DAB1: variants seen among roughly 807,000 people sequenced by gnomAD.
The protein encoded by DAB1 is DAB adaptor protein 1.
In DAB1, 15 loss-of-function variants were observed where a neutral mutation model predicts 64.6. The ratio of observed to expected loss-of-function variants is 0.23; its 90% confidence interval spans 0.16 to 0.36. The LOEUF (loss-of-function observed/expected upper bound fraction) is 0.36. DAB1 is among the 10% of genes least tolerant of loss of function. The pLI is 1.00. For synonymous variants in DAB1, 235 were observed against 251.9 expected, an observed-to-expected ratio of 0.93 and a Z score of 0.64; for missense variants, 596 against 706.7, an observed-to-expected ratio of 0.84 and a Z score of 1.78.
intron 2 of DAB1, among the ~76,000 whole-genome samples, chr1:57,216,546 T>G (rs1046792852): frequency 2.8e-4 from 43 of 152,184 alleles, no homozygotes; most frequent in Non-Finnish European, 5.6e-4. Context: ...TTGCCAGTTT[T>G]GGCTCTAAAT....
chr1:58,309,866 CA>C (rs1233432096), intron 4 of DAB1, among the ~76,000 whole-genome samples: 2 of 152,094 alleles, frequency 1.3e-5, no homozygotes, highest in Non-Finnish European at 2.9e-5. Context: ...ACCAGCTCAG[CA>C]AAAGTGGAGA....
At chr1:57,463,347 A>C (rs1316374740) in intron 7 of DAB1, among the ~76,000 whole-genome samples, 2 of 152,216 alleles carry the variant, frequency 1.3e-5, no homozygotes, top group African/African-American at 4.8e-5. Flanking sequence ...AAATATCCAT[A>C]TTATAAAAGG....
At chr1:57,739,206 T>G (rs1647844278) in intron 6 of DAB1, among the ~76,000 whole-genome samples, 1 of 152,272 alleles carries the variant, frequency 6.6e-6, no homozygotes, top group African/African-American at 2.4e-5. Context: ...TAAATCTCTG[T>G]GGGCTCTCCA....
chr1:58,179,693 A>T (rs1479086619), intron 4 of DAB1, among the ~76,000 whole-genome samples: 2 of 151,772 alleles, frequency 1.3e-5, no homozygotes, highest in African/African-American at 2.4e-5. Context: ...TTTCATTCCA[A>T]TTTTTTTCAT....
chr1:57,087,612 C>A (rs1653220345), intron 4 of DAB1, among the ~76,000 whole-genome samples: 1 of 152,168 alleles, frequency 6.6e-6, no homozygotes, highest in Non-Finnish European at 1.5e-5. Context: ...AGAGTTGGGA[C>A]TGAGCCCAAA....
At chr1:57,105,138 C>A (rs1305867222) in intron 4 of DAB1, among the ~76,000 whole-genome samples, 1 of 151,992 alleles carries the variant, frequency 6.6e-6, no homozygotes, top group Admixed American at 6.6e-5. Flanking sequence ...TTTTGGCCAT[C>A]AACAGATTTG....
intron 1 of DAB1, among the ~76,000 whole-genome samples, chr1:57,855,387 A>G (rs1160036723): frequency 6.6e-6 from 1 of 152,176 alleles, no homozygotes; most frequent in African/African-American, 2.4e-5. Flanking sequence ...GCCCCCATGG[A>G]GCTGGCATTC....
At chr1:57,382,870 T>G (rs1681494283) in intron 1 of DAB1, among the ~76,000 whole-genome samples, 1 of 152,144 alleles carries the variant, frequency 6.6e-6, no homozygotes, top group South Asian at 2.1e-4. Flanking sequence ...GGGCATGACA[T>G]CTTTGGGGGC....
chr1:57,732,788 G>C (rs1647498783), intron 6 of DAB1, among the ~76,000 whole-genome samples: 1 of 152,192 alleles, frequency 6.6e-6, no homozygotes, highest in African/African-American at 2.4e-5. Flanking sequence ...GGAGAGAGGA[G>C]AGACTGGTCC....
chr1:57,619,992 C>T lies in DAB1; in HGVS notation n.625+29600G>A, dbSNP rs137884713. ...AAGACTGAGCTGGTGACAAGAACAACGACTGGAGACATTTGACACATCCCA... is the reference window on the plus strand; with the variant it reads ...AAGACTGAGCTGGTGACAAGAACAATGACTGGAGACATTTGACACATCCCA... On this transcript the variant is annotated intron_variant and non_coding_transcript_variant, in intron 7 of 20. Transcript: ENST00000485760. Among the ~76,000 whole-genome samples the T allele has an allele frequency of 1.7e-4, 26 of 152,212 alleles. No individual in the cohort carries two copies. In the East Asian group the frequency reaches 2.1e-3, roughly 12 times the overall value.
At chr1:57,943,183 A>T (rs1202850) in intron 5 of DAB1, among the ~76,000 whole-genome samples, 81,464 of 152,088 alleles carry the variant, frequency 0.54, 22,327 homozygotes, top group African/African-American at 0.59. Context: ...TCTGCCTGCA[A>T]AGCACTAAGT....
At chr1:58,238,031 C>G (rs960621992) in intron 4 of DAB1, among the ~76,000 whole-genome samples, 12 of 152,298 alleles carry the variant, frequency 7.9e-5, no homozygotes, top group African/African-American at 2.9e-4. Flanking sequence ...AAGTCAAGTT[C>G]TAACTTCAAA....
chr1:57,706,692 A>G (rs1467534190), intron 6 of DAB1, among the ~76,000 whole-genome samples: 1 of 151,836 alleles, frequency 6.6e-6, no homozygotes, highest in African/African-American at 2.4e-5. Flanking sequence ...GTTATATCCT[A>G]CCCCAACCAG....
At chr1:57,752,238 C>T (rs1476867830) in intron 6 of DAB1, among the ~76,000 whole-genome samples, 1 of 152,186 alleles carries the variant, frequency 6.6e-6, no homozygotes, top group Non-Finnish European at 1.5e-5. Flanking sequence ...TCCTTGCTTT[C>T]ATTTTCTTGG....
At chr1:57,552,630 T>C (rs1376704839) in intron 7 of DAB1, among the ~76,000 whole-genome samples, 1 of 152,174 alleles carries the variant, frequency 6.6e-6, no homozygotes, top group African/African-American at 2.4e-5. Context: ...AACCAGAATT[T>C]TTATGTGCGG....
chr1:57,835,854 A>G (rs1484711302), intron 1 of DAB1, among the ~76,000 whole-genome samples: 1 of 152,222 alleles, frequency 6.6e-6, no homozygotes, highest in African/African-American at 2.4e-5. Context: ...TCCTGGGAAC[A>G]CACCAGGAGA....
intron 11 of DAB1, among the ~76,000 whole-genome samples, chr1:57,020,568 G>A (rs1205498133): frequency 6.6e-6 from 1 of 152,144 alleles, no homozygotes; most frequent in Non-Finnish European, 1.5e-5. Flanking sequence ...TCAAGAGGCT[G>A]AAGACCTAAA....
intron 5 of DAB1, among the ~76,000 whole-genome samples, chr1:58,040,439 C>T (rs557030961): frequency 6.6e-5 from 10 of 152,178 alleles, no homozygotes; most frequent in East Asian, 1.9e-4. Flanking sequence ...GCATCCAAGA[C>T]GCAGCAGAAA....
intron 1 of DAB1, among the ~76,000 whole-genome samples, chr1:57,393,224 T>C (rs1475458131): frequency 6.6e-6 from 1 of 152,210 alleles, no homozygotes; most frequent in Non-Finnish European, 1.5e-5. Context: ...AGGGGTGTTA[T>C]GACAGCTAAA....
Sources: allele counts gnomAD v4.1 joint callset (sites outside exome capture counted in the v4.1 genomes callset), GRCh38; gene constraint gnomAD v4.1.1; transcripts MANE v1.5; gene names NCBI Gene and HGNC (gene_info 2026-07-23, HGNC 2026-07-21).